Variants in MARCHF1 observed in about 807,000 individuals in gnomAD.
MARCHF1 encodes the protein membrane associated ring-CH-type finger 1.
Under a neutral mutation model 54.2 loss-of-function variants are expected in MARCHF1, and 40 were observed. That is an observed-to-expected ratio of 0.74 (90% confidence interval 0.57 to 0.96). The LOEUF is 0.96. Ranked by LOEUF, MARCHF1 falls within the 40% of genes least tolerant of loss-of-function variation. MARCHF1 has a pLI of 0.00. For missense variants in MARCHF1, 586 were observed against 656.5 expected (o/e 0.89, Z 1.17); for synonymous variants, 236 against 236.3 (o/e 1.00, Z 0.01).
At chr4:163,682,866 C>A (rs910968183) in intron 5 of MARCHF1, among the ~76,000 whole-genome samples, 2 of 152,124 alleles carry the variant, frequency 1.3e-5, no homozygotes, top group Non-Finnish European at 2.9e-5. Context: ...CCAATTAAAC[C>A]TTTTTCCTTT....
intron 2 of MARCHF1, among the ~76,000 whole-genome samples, chr4:164,017,224 TAACA>T (rs1482010783): frequency 3.3e-5 from 5 of 152,052 alleles, no homozygotes; most frequent in Non-Finnish European, 4.4e-5. Context: ...ACTTAATGAT[TAACA>T]AACAAACTGA....
At chr4:163,929,634 T>C (rs1376380537) in intron 3 of MARCHF1, among the ~76,000 whole-genome samples, 2 of 151,640 alleles carry the variant, frequency 1.3e-5, no homozygotes, top group Admixed American at 6.6e-5. Flanking sequence ...ATGTCAATGA[T>C]AACACATTTA....
At chr4:163,592,999 C>A (rs1181478686) in intron 7 of MARCHF1, among the ~76,000 whole-genome samples, 1 of 152,064 alleles carries the variant, frequency 6.6e-6, no homozygotes, top group African/African-American at 2.4e-5. Context: ...TGGATTGCAT[C>A]TTTTAGGATA....
intron 5 of MARCHF1, among the ~76,000 whole-genome samples, chr4:163,634,146 C>G (rs1215513610): frequency 6.6e-6 from 1 of 152,178 alleles, no homozygotes; most frequent in African/African-American, 2.4e-5. Context: ...AAAATCATGC[C>G]AAAATGTAAA....
chr4:163,655,037 C>G (rs1037561331), intron 5 of MARCHF1, among the ~76,000 whole-genome samples: 1 of 151,558 alleles, frequency 6.6e-6, no homozygotes, highest in African/African-American at 2.4e-5. Flanking sequence ...CCCTCCCTTC[C>G]TCCCATTCAC....
intron 1 of MARCHF1, among the ~76,000 whole-genome samples, chr4:164,212,799 G>A (rs1281578788): frequency 1.3e-5 from 2 of 152,124 alleles, no homozygotes; most frequent in Non-Finnish European, 2.9e-5. Context: ...CTAGCCATAT[G>A]AGGTGCCATT....
chr4:163,653,309 C>G (rs1462743730), intron 5 of MARCHF1, among the ~76,000 whole-genome samples: 3 of 151,730 alleles, frequency 2.0e-5, no homozygotes, highest in Non-Finnish European at 4.4e-5. Flanking sequence ...GAGAAATAGC[C>G]AGGGGCCAGG....
At chr4:163,899,543 A>C (rs1331828399) in intron 3 of MARCHF1, among the ~76,000 whole-genome samples, 2 of 151,648 alleles carry the variant, frequency 1.3e-5, no homozygotes, top group African/African-American at 4.8e-5. Flanking sequence ...GTGTCCTCAG[A>C]TCTCTTCTTT....
chr4:164,001,488 C>A (rs1753185798), intron 2 of MARCHF1, among the ~76,000 whole-genome samples: 1 of 151,780 alleles, frequency 6.6e-6, no homozygotes, highest in South Asian at 2.1e-4. Context: ...GCTTTTTTCA[C>A]ACTGTATGCA....
intron 1 of MARCHF1, among the ~76,000 whole-genome samples, chr4:164,139,648 C>T (rs1169030990): frequency 1.3e-5 from 2 of 152,140 alleles, no homozygotes; most frequent in Non-Finnish European, 1.5e-5. Flanking sequence ...GGAGGAGCTG[C>T]TCATCCCTGC....
chr4:164,323,882 G>T (rs190395255), intron 1 of MARCHF1, among the ~76,000 whole-genome samples: 1 of 151,662 alleles, frequency 6.6e-6, no homozygotes, highest in African/African-American at 2.4e-5. Flanking sequence ...GAATTAGGGG[G>T]ATTCAGAGCA....
At chr4:164,331,880 C>T (rs1421547057) in intron 1 of MARCHF1, among the ~76,000 whole-genome samples, 3 of 152,100 alleles carry the variant, frequency 2.0e-5, no homozygotes, top group Non-Finnish European at 2.9e-5. Flanking sequence ...AAAAGAACTT[C>T]CATGTGCTTA....
chr4:164,350,939 T>A (rs1487651822), intron 1 of MARCHF1, among the ~76,000 whole-genome samples: 5 of 152,024 alleles, frequency 3.3e-5, no homozygotes, highest in Admixed American at 2.6e-4. Flanking sequence ...GGCGAGGCAT[T>A]GCCTCACCTG....
chr4:164,189,592 G>A (rs1176080528), intron 1 of MARCHF1: 2 of 948,576 alleles, frequency 2.1e-6, no homozygotes, highest in African/African-American at 1.6e-5. Flanking sequence ...AGTGCTCTCT[G>A]GTGATCAAGA....
At chr4:164,144,089 G>T (rs567449664) in intron 1 of MARCHF1, among the ~76,000 whole-genome samples, 159 of 151,974 alleles carry the variant, frequency 1.0e-3, no homozygotes, top group African/African-American at 3.7e-3. Context: ...ATTACATAAT[G>T]GTAAAGGGAT....
intron 4 of MARCHF1, among the ~76,000 whole-genome samples, chr4:163,812,230 C>T (rs565337184): frequency 6.6e-6 from 1 of 151,546 alleles, no homozygotes; most frequent in South Asian, 2.1e-4. Flanking sequence ...AAATAAATCT[C>T]TTCATCTATA....
At chr4:164,010,553 ATAAACT>A (rs556437276) in intron 2 of MARCHF1, among the ~76,000 whole-genome samples, 101 of 152,284 alleles carry the variant, frequency 6.6e-4, no homozygotes, top group African/African-American at 2.3e-3. Flanking sequence ...ATACCTAGAA[ATAAACT>A]TAAAGAAATG....
intron 1 of MARCHF1, among the ~76,000 whole-genome samples, chr4:164,225,920 C>T (rs540960798): frequency 1.9e-4 from 29 of 152,036 alleles, no homozygotes; most frequent in Middle Eastern, 3.4e-3. Flanking sequence ...TTTTCTTAAC[C>T]TATGCAAATT....
At position 163,700,966 on chromosome 4, in the gene MARCHF1, C is replaced by T. The variant is rs1484278457; in HGVS notation, c.112-103G>A. On this transcript the variant is annotated intron_variant, in intron 4 of 9. Coordinates refer to ENST00000514618, the MANE Select transcript of MARCHF1 (RefSeq NM_001394959.1). ...CACAGCACAAGGAAATCTGTGAATG[C>T]TCTCTATATTGTTTTGACTAATACA... The T allele has an allele frequency of 1.1e-5, 8 of 760,896 alleles. No individual in the cohort carries two copies. In the Admixed American group the frequency reaches 1.1e-4, roughly 11 times the overall value. 47.1% of individuals were successfully genotyped at this position (760,896 alleles called of 1,614,324 possible). A position where few individuals can be genotyped will look rare whatever the true frequency, so the allele number is the denominator to read the frequency against.
Sources: gnomAD v4.1 joint callset for allele counts (sites outside exome capture counted in the v4.1 genomes callset) on GRCh38, gnomAD v4.1.1 for gene constraint, MANE v1.5 for transcripts, NCBI Gene and HGNC (gene_info 2026-07-23, HGNC 2026-07-21) for gene names.